The following GSKIP variants were observed in gnomAD, a reference collection of about 807,000 sequenced individuals.
GSKIP encodes the protein GSK3B-interacting protein.
A neutral mutation model predicts 11.9 loss-of-function variants in GSKIP; 5 were observed. The observed-to-expected ratio is 0.42, with a 90% CI of 0.22 to 0.89. The LOEUF is 0.89. Among genes scored for constraint, GSKIP ranks in the 40% least tolerant of loss-of-function variants. GSKIP has a pLI of 0.29. For synonymous variants in GSKIP, 70 were observed against 62.9 expected (o/e 1.11, Z -0.54); for missense variants, 150 against 166.6 (o/e 0.90, Z 0.55).
intron 1 of GSKIP, among the ~76,000 whole-genome samples, chr14:96,366,593 G>A (rs1447465391): frequency 6.6e-6 from 1 of 152,158 alleles, no homozygotes; most frequent in Non-Finnish European, 1.5e-5. Context: ...AATTAAGGAA[G>A]ATGAAAATAA....
Position 96,374,173 on chromosome 14 carries a change from C to G in GSKIP, c.-102-5515C>G, listed in dbSNP as rs548142825. On this transcript the variant is annotated intron_variant, in intron 1 of 3. Coordinates refer to ENST00000555181, the MANE Select transcript of GSKIP (RefSeq NM_016472.5). The stretch of plus-strand genomic sequence containing the variant: ...AAAATATGTTTAAAAGATTAAAAGA[C>G]ACAAATAGAATAGATACTGAAGAAA... 2.6e-5 allele frequency among the ~76,000 whole-genome samples: 4 copies of G among 151,962 alleles called. No individual in the cohort carries two copies. The South Asian group carries it at 8.3e-4, about 32-fold the overall frequency.
At position 96,381,724 on chromosome 14, in the gene GSKIP, G is replaced by A. The variant is rs77806973; in HGVS notation, c.-1-523G>A. ...CTATCATTCTTTGCCTCTTAAATTG[G>A]CAAAAATTTAAAAGAATTGGAAAGA... On this transcript the variant is annotated intron_variant, in intron 2 of 3. Coordinates refer to ENST00000555181, the MANE Select transcript of GSKIP (RefSeq NM_016472.5). Among the ~76,000 whole-genome samples, 751 of 152,234 alleles carry A rather than the reference G, an allele frequency of 4.9e-3. 12 individuals are homozygous for A. Among genetic ancestry groups the A allele is most frequent in the African/African-American group, 0.017 (693 of 41,552 alleles).
At chr14:96,370,526 A>G (rs1889016496) in intron 1 of GSKIP, among the ~76,000 whole-genome samples, 1 of 151,876 alleles carries the variant, frequency 6.6e-6, no homozygotes, top group South Asian at 2.1e-4. Context: ...GAGGTGGGAG[A>G]GGTGTGGATC....
At chr14:96,367,236 T>C (rs1285019087) in intron 1 of GSKIP, among the ~76,000 whole-genome samples, 2 of 152,228 alleles carry the variant, frequency 1.3e-5, no homozygotes, top group African/African-American at 4.8e-5. Flanking sequence ...TTTAACATCA[T>C]TTTAAAGAGG....
At chr14:96,374,466 GAT>G (rs1160680225) in intron 1 of GSKIP, among the ~76,000 whole-genome samples, 1 of 152,094 alleles carries the variant, frequency 6.6e-6, no homozygotes, top group Non-Finnish European at 1.5e-5. Context: ...GAGGAACAAA[GAT>G]AACAATCACA....
chr14:96,382,696 C>G (rs953149165), intron 3 of GSKIP, among the ~76,000 whole-genome samples, 191 bp downstream of exon 3: 2 of 152,002 alleles, frequency 1.3e-5, no homozygotes, highest in African/African-American at 2.4e-5. Context: ...TATGGGGAAA[C>G]AGAATTTTTT....
At chr14:96,382,527 A>G in intron 3 of GSKIP, 22 bp downstream of exon 3, 1 of 1,539,668 alleles carries the variant, frequency 6.5e-7, no homozygotes, top group Non-Finnish European at 8.8e-7. Flanking sequence ...TTCCTTTTAG[A>G]AAAAAAAATT....
intron 2 of GSKIP, among the ~76,000 whole-genome samples, chr14:96,381,242 A>G (rs1889337422): frequency 6.6e-6 from 1 of 152,190 alleles, no homozygotes; most frequent in South Asian, 2.1e-4. Context: ...AGCTAAAACC[A>G]CATAGCAGCC....
At chr14:96,383,749 G>A (rs1889412617) in intron 3 of GSKIP, among the ~76,000 whole-genome samples, 1 of 152,212 alleles carries the variant, frequency 6.6e-6, no homozygotes, top group Non-Finnish European at 1.5e-5. Context: ...CTGCTGCAAA[G>A]ATAGCTGCTT....
At chr14:96,380,259 A>G (rs568361494) in intron 2 of GSKIP, 15 of 152,226 alleles carry the variant, frequency 9.9e-5, no homozygotes, top group South Asian at 2.1e-4. Context: ...ATTAATTGAA[A>G]TAGGATTGGA....
At chr14:96,370,185 T>C (rs1433025734) in intron 1 of GSKIP, among the ~76,000 whole-genome samples, 1 of 152,220 alleles carries the variant, frequency 6.6e-6, no homozygotes, top group African/African-American at 2.4e-5. Flanking sequence ...TTTTCCGTCA[T>C]TGTGTATCTT....
intron 1 of GSKIP, among the ~76,000 whole-genome samples, chr14:96,373,229 C>CAAAAAAAAAAAAAAAAAAA (rs57931398): frequency 1.2e-5 from 1 of 82,812 alleles, no homozygotes. Flanking sequence ...GACTCTGTCT[C>CAAAAAAAAAAAAAAAAAAA]AAAAAAAAAA....
At position 96,386,511 on chromosome 14, in the gene GSKIP, T is replaced by C. The variant is rs780123043; in HGVS notation, c.*827T>C. The C allele has an allele frequency of 1.3e-5, 2 of 152,650 alleles. No homozygotes were observed. Among genetic ancestry groups the C allele is most frequent in the Admixed American group, 1.3e-4 (2 of 15,282 alleles). The allele number at this position is 152,650 out of a possible 1,614,324, so 9.5% of individuals were successfully genotyped here. A position where few individuals can be genotyped will look rare whatever the true frequency, so the allele number is the denominator to read the frequency against. ...ATATTTTGGCCTGTGTTGATTCTTA[T>C]TCTGAATGTGTGTTTACATAATGTA... On this transcript the variant is annotated 3_prime_UTR_variant, in exon 4 of 4. Transcript: ENST00000555181.
chr14:96,364,240 A>C (rs567029143), intron 1 of GSKIP: 4 of 152,158 alleles, frequency 2.6e-5, no homozygotes, highest in Admixed American at 6.5e-5. Context: ...CGGGTGTTCT[A>C]TGGCCCAGAA....
chr14:96,370,978 A>C (rs1000240449), intron 1 of GSKIP, among the ~76,000 whole-genome samples: 1 of 152,220 alleles, frequency 6.6e-6, no homozygotes, highest in African/African-American at 2.4e-5. Context: ...TATAAATGGG[A>C]AAATAGCCAT....
At chr14:96,367,757 T>C (rs1440358742) in intron 1 of GSKIP, among the ~76,000 whole-genome samples, 1 of 152,204 alleles carries the variant, frequency 6.6e-6, no homozygotes, top group Non-Finnish European at 1.5e-5. Flanking sequence ...CCAAAAATTA[T>C]GGAGAAAGAG....
chr14:96,368,724 C>A (rs568055837), intron 1 of GSKIP, among the ~76,000 whole-genome samples: 2 of 152,242 alleles, frequency 1.3e-5, no homozygotes, highest in East Asian at 3.9e-4. Context: ...CTCCCTCTCC[C>A]CTACTCCCTC....
chr14:96,375,436 CTT>C (rs202163260), intron 1 of GSKIP, among the ~76,000 whole-genome samples: 108 of 114,332 alleles, frequency 9.4e-4, no homozygotes, highest in East Asian at 4.8e-3. Context: ...CTTTTTCTCT[CTT>C]TTTTTTTTTT....
Position 96,382,438 on chromosome 14 carries a change from C to T in GSKIP, c.191C>T (p.Ala64Val). 1 of 1,612,308 alleles carries T rather than the reference C, an allele frequency of 6.2e-7. No homozygotes were observed. Among genetic ancestry groups the T allele is most frequent in the East Asian group, 2.2e-5 (1 of 44,870 alleles). ...AGCCTGCGGTGTGCGGATGATGTGG[C>T]CTATATCAATGTGGAAACAAAGGAA... ...SKSLRCADDVAYINVETKERN... is the reference protein window; with the variant it reads ...SKSLRCADDVVYINVETKERN... Residue 64 changes from alanine (A) to valine (V), a missense_variant, in exon 3 of 4, where the codon GCC becomes GTC. Physicochemically the swap from Ala to Val is moderately conservative, Grantham distance 64. Transcript: ENST00000555181.
Sources: allele counts gnomAD v4.1 joint callset (sites outside exome capture counted in the v4.1 genomes callset), GRCh38; gene constraint gnomAD v4.1.1; transcripts MANE v1.5; gene names NCBI Gene and HGNC (gene_info 2026-07-23, HGNC 2026-07-21).